ROBO1: variants seen among roughly 807,000 people sequenced by gnomAD.
The protein encoded by ROBO1 is roundabout homolog 1.
In ROBO1, 149 loss-of-function variants were observed where a neutral mutation model predicts 195.9. That is an observed-to-expected ratio of 0.76 (90% CI 0.67 to 0.87). The LOEUF is 0.87. Ranked by LOEUF, ROBO1 falls within the 40% of genes least tolerant of loss-of-function variation. The probability of loss-of-function intolerance (pLI) is 0.00; values close to 1 mark genes in which losing one functional copy is unlikely to be tolerated. For synonymous variants in ROBO1, 816 were observed against 733.2 expected, an observed-to-expected ratio of 1.11 and a Z score of -1.82; for missense variants, 1,933 against 2,068.3, an observed-to-expected ratio of 0.93 and a Z score of 1.27.
chr3:79,664,655 C>A (rs895135050), intron 1 of ROBO1, among the ~76,000 whole-genome samples: 3 of 152,142 alleles, frequency 2.0e-5, no homozygotes, highest in Admixed American at 2.0e-4. Flanking sequence ...ATTATACCAC[C>A]TGAACAGAAT....
chr3:79,409,849 A>G (rs1255580368), intron 2 of ROBO1, among the ~76,000 whole-genome samples: 3 of 152,290 alleles, frequency 2.0e-5, no homozygotes, highest in Admixed American at 2.0e-4. Context: ...GAATTTCTAC[A>G]TTAAGAACAA....
At position 79,617,586 on chromosome 3, in the gene ROBO1, T is replaced by C. The variant is rs149579649; in HGVS notation, c.-50-27625A>G. Reference sequence around the variant, plus strand: ...AAAGTATGAAGAAGTGAAAGCAAATTCAAACATAAGAAGAGACAGCTCCTC... The same window carrying C: ...AAAGTATGAAGAAGTGAAAGCAAATCCAAACATAAGAAGAGACAGCTCCTC... On this transcript the variant is annotated intron_variant, in intron 1 of 30. Coordinates refer to ENST00000464233, the MANE Select transcript of ROBO1 (RefSeq NM_002941.4). 2.3e-4 allele frequency among the ~76,000 whole-genome samples: 35 copies of C among 151,778 alleles called. No individual in the cohort carries two copies. In the South Asian group the frequency reaches 4.6e-3, roughly 20 times the overall value.
chr3:78,743,608 T>TAA (rs143228406), intron 5 of ROBO1, among the ~76,000 whole-genome samples: 3,966 of 152,228 alleles, frequency 0.026, 90 homozygotes, highest in Middle Eastern at 0.065. Flanking sequence ...CTATATGTGC[T>TAA]AAAAAAATCC....
At chr3:78,641,739 T>C (rs1391593588) in intron 21 of ROBO1, among the ~76,000 whole-genome samples, 1 of 152,170 alleles carries the variant, frequency 6.6e-6, no homozygotes, top group East Asian at 1.9e-4. Flanking sequence ...ACAGACTGAC[T>C]TACATGTTTC....
chr3:78,756,227 A>G (rs2108335846), intron 4 of ROBO1, among the ~76,000 whole-genome samples: 1 of 152,210 alleles, frequency 6.6e-6, no homozygotes, highest in South Asian at 2.1e-4. Context: ...AACAAAAAAC[A>G]CTCAGTTATT....
intron 5 of ROBO1, among the ~76,000 whole-genome samples, chr3:78,740,450 T>TTTTCTTTCTTTCTTTC (rs150036229): frequency 1.5e-4 from 15 of 103,166 alleles, no homozygotes; most frequent in East Asian, 6.6e-4. Flanking sequence ...ATTTTTCTTT[T>TTTTCTTTCTTTCTTTC]TTTCTTTCTT....
intron 1 of ROBO1, among the ~76,000 whole-genome samples, chr3:79,608,235 A>G (rs1204665985): frequency 6.6e-6 from 1 of 151,946 alleles, no homozygotes; most frequent in East Asian, 1.9e-4. Flanking sequence ...TTAGTCCAAA[A>G]TGGGGTTATA....
At chr3:79,261,211 C>T (rs1253492502) in intron 2 of ROBO1, among the ~76,000 whole-genome samples, 2 of 151,948 alleles carry the variant, frequency 1.3e-5, no homozygotes, top group Non-Finnish European at 1.5e-5. Flanking sequence ...TGCATTTACA[C>T]CTAAAGGAAA....
At chr3:79,730,205 C>T (rs1169733600) in intron 1 of ROBO1, among the ~76,000 whole-genome samples, 5 of 152,134 alleles carry the variant, frequency 3.3e-5, no homozygotes, top group African/African-American at 1.2e-4. Flanking sequence ...ACTTTTTCCT[C>T]TAGGATATAT....
chr3:79,433,782 C>A (rs149774371), intron 2 of ROBO1, among the ~76,000 whole-genome samples: 2 of 152,136 alleles, frequency 1.3e-5, no homozygotes, highest in African/African-American at 4.8e-5. Context: ...GGAGGCATCA[C>A]GCTATCTGAC....
At chr3:78,609,310 T>C (rs1032404745) in intron 28 of ROBO1, among the ~76,000 whole-genome samples, 5 of 152,264 alleles carry the variant, frequency 3.3e-5, no homozygotes, top group African/African-American at 1.2e-4. Flanking sequence ...GCAGAGGTAA[T>C]GGGCTTGAAT....
At chr3:78,765,633 C>A (rs1277236705) in intron 4 of ROBO1, among the ~76,000 whole-genome samples, 3 of 152,054 alleles carry the variant, frequency 2.0e-5, no homozygotes, top group Non-Finnish European at 2.9e-5. Context: ...ATCTAACAGG[C>A]TAGCATACTA....
intron 2 of ROBO1, among the ~76,000 whole-genome samples, chr3:79,290,541 G>A (rs1382678119): frequency 6.6e-6 from 1 of 152,020 alleles, no homozygotes; most frequent in Non-Finnish European, 1.5e-5. Context: ...ATACTATCCA[G>A]TGTTAAAGCT....
intron 3 of ROBO1, among the ~76,000 whole-genome samples, chr3:78,941,608 G>A (rs1232873626): frequency 6.6e-6 from 1 of 152,208 alleles, no homozygotes; most frequent in Admixed American, 6.5e-5. Flanking sequence ...GAGCAAGTCA[G>A]AGAAGAAACT....
At chr3:79,307,737 A>G (rs1191781343) in intron 2 of ROBO1, among the ~76,000 whole-genome samples, 1 of 152,190 alleles carries the variant, frequency 6.6e-6, no homozygotes, top group Non-Finnish European at 1.5e-5. Context: ...AGCACACAGT[A>G]GAAATAAAAT....
chr3:78,989,803 C>A (rs934626666), intron 3 of ROBO1, among the ~76,000 whole-genome samples: 5 of 151,888 alleles, frequency 3.3e-5, no homozygotes, highest in African/African-American at 7.3e-5. Flanking sequence ...TTCAAAAAAA[C>A]CCTATATACC....
intron 3 of ROBO1, among the ~76,000 whole-genome samples, chr3:79,019,964 T>C (rs1318570407): frequency 6.6e-6 from 1 of 152,194 alleles, no homozygotes; most frequent in Non-Finnish European, 1.5e-5. Flanking sequence ...AACCATCCTT[T>C]TCTTTTAAGT....
intron 2 of ROBO1, among the ~76,000 whole-genome samples, chr3:79,478,042 A>G (rs1938632678): frequency 6.6e-6 from 1 of 152,170 alleles, no homozygotes; most frequent in African/African-American, 2.4e-5. Context: ...TGTATATGTC[A>G]TAACCTTACC....
intron 1 of ROBO1, among the ~76,000 whole-genome samples, chr3:79,731,993 T>C (rs1007171962): frequency 1.3e-5 from 2 of 152,178 alleles, no homozygotes; most frequent in African/African-American, 4.8e-5. Context: ...TTCTTAGTTA[T>C]GTGAACAACA....
Sources: gnomAD v4.1 joint callset for allele counts (sites outside exome capture counted in the v4.1 genomes callset) on GRCh38, gnomAD v4.1.1 for gene constraint, MANE v1.5 for transcripts, NCBI Gene and HGNC (gene_info 2026-07-23, HGNC 2026-07-21) for gene names.